Variants in CRISPLD2 observed in about 807,000 individuals in gnomAD.
CRISPLD2 encodes the protein cysteine rich secretory protein LCCL domain containing 2.
CRISPLD2 carries 47 observed loss-of-function variants against 71.1 expected under a neutral mutation model. The ratio of observed to expected loss-of-function variants is 0.66; its 90% CI spans 0.52 to 0.84. The LOEUF is 0.84. Ranked by LOEUF, CRISPLD2 falls within the 40% of genes least tolerant of loss-of-function variation. The pLI is 0.00. For synonymous variants in CRISPLD2, 317 were observed against 250.1 expected, an observed-to-expected ratio of 1.27 and a Z score of -2.52; for missense variants, 830 against 651.1, an observed-to-expected ratio of 1.27 and a Z score of -2.99.
intron 13 of CRISPLD2, among the ~76,000 whole-genome samples, chr16:84,885,561 C>G (rs189333892): frequency 1.3e-5 from 2 of 152,290 alleles, no homozygotes; most frequent in African/African-American, 2.4e-5. Flanking sequence ...TCCCAGATAC[C>G]CGGGACCCCG....
chr16:84,848,544 A>T (rs1359454307), intron 3 of CRISPLD2, among the ~76,000 whole-genome samples: 1 of 151,464 alleles, frequency 6.6e-6, no homozygotes, highest in Non-Finnish European at 1.5e-5. Context: ...CCCACGGAGG[A>T]TGTCCAGGGA....
intron 3 of CRISPLD2, among the ~76,000 whole-genome samples, chr16:84,847,040 C>A (rs1050917188): frequency 6.6e-6 from 1 of 152,222 alleles, no homozygotes; most frequent in Non-Finnish European, 1.5e-5. Context: ...AACCTGTGAC[C>A]GTGCCATGCC....
intron 7 of CRISPLD2, 101 bp from the exon 8 acceptor site, chr16:84,868,750 T>C: frequency 2.0e-6 from 2 of 987,008 alleles, no homozygotes; most frequent in Admixed American, 1.9e-5. Context: ...ATAGCACGGA[T>C]TGGATTGCAG....
At chr16:84,840,434 C>A (rs979497081) in intron 2 of CRISPLD2, among the ~76,000 whole-genome samples, 1 of 152,302 alleles carries the variant, frequency 6.6e-6, no homozygotes, top group Non-Finnish European at 1.5e-5. Flanking sequence ...AATGGTGAAG[C>A]TGGGATTCAA....
chr16:84,905,998 G>A lies in CRISPLD2; in HGVS notation c.1440-590G>A, dbSNP rs1271241309. Among the ~76,000 whole-genome samples, 5 of 152,158 alleles carry A rather than the reference G, an allele frequency of 3.3e-5. No individual in the cohort carries two copies. The East Asian group carries it at 7.7e-4, about 23-fold the overall frequency. Reference sequence around the variant, plus strand: ...GCTGAGGTTACAGGCATGAGCCACCGCGCCTGGCCTAAAGCTCTTTTTTAA... The same window carrying A: ...GCTGAGGTTACAGGCATGAGCCACCACGCCTGGCCTAAAGCTCTTTTTTAA... On this transcript the variant is annotated intron_variant, in intron 14 of 14. Transcript: ENST00000262424.
At chr16:84,897,509 A>G (rs1252071087) in intron 14 of CRISPLD2, among the ~76,000 whole-genome samples, 1 of 152,212 alleles carries the variant, frequency 6.6e-6, no homozygotes, top group Non-Finnish European at 1.5e-5. Flanking sequence ...AGATCTTCAT[A>G]GCACTCAACT....
intron 14 of CRISPLD2, among the ~76,000 whole-genome samples, chr16:84,889,752 T>TTGTGTGTGTGTGTGTGTG (rs60555979): frequency 2.2e-5 from 3 of 139,216 alleles, no homozygotes; most frequent in Non-Finnish European, 3.1e-5. Flanking sequence ...TTGTTTTTCT[T>TTGTGTGTGTGTGTGTGTG]TGTGTGTGTG....
At chr16:84,901,009 C>A (rs1239900123) in intron 14 of CRISPLD2, among the ~76,000 whole-genome samples, 1 of 130,118 alleles carries the variant, frequency 7.7e-6, no homozygotes, top group African/African-American at 3.1e-5. Flanking sequence ...ATGATGGTGT[C>A]ACTGCACACA....
chr16:84,890,890 C>T (rs1357430775), intron 14 of CRISPLD2, among the ~76,000 whole-genome samples: 1 of 152,170 alleles, frequency 6.6e-6, no homozygotes, highest in African/African-American at 2.4e-5. Context: ...ACTCAGCCTC[C>T]CAAGTAGCTG....
intron 13 of CRISPLD2, among the ~76,000 whole-genome samples, chr16:84,883,234 A>G (rs2071583679): frequency 6.6e-6 from 1 of 152,216 alleles, no homozygotes; most frequent in East Asian, 1.9e-4. Flanking sequence ...ATTCTGGGAA[A>G]TGATGATGGC....
intron 13 of CRISPLD2, among the ~76,000 whole-genome samples, chr16:84,886,254 T>A (rs1221229041): frequency 6.6e-6 from 1 of 152,196 alleles, no homozygotes; most frequent in East Asian, 1.9e-4. Flanking sequence ...CTAGATTGTA[T>A]TGCTTGTCCC....
chr16:84,823,645 C>T (rs1029164708), intron 1 of CRISPLD2, among the ~76,000 whole-genome samples: 2 of 152,188 alleles, frequency 1.3e-5, no homozygotes, highest in Non-Finnish European at 2.9e-5. Context: ...TGTACAATGA[C>T]GAGTACTCTT....
chr16:84,838,249 C>G (rs1209713928), intron 1 of CRISPLD2, among the ~76,000 whole-genome samples, 173 bp from the exon 2 acceptor site: 2 of 152,174 alleles, frequency 1.3e-5, no homozygotes, highest in African/African-American at 4.8e-5. Context: ...TGGCGTAAAT[C>G]CCAGCTCCAC....
intron 6 of CRISPLD2, among the ~76,000 whole-genome samples, chr16:84,858,381 G>T (rs1447225970): frequency 6.6e-6 from 1 of 152,158 alleles, no homozygotes; most frequent in Non-Finnish European, 1.5e-5. Context: ...GGCCCACTAG[G>T]CGTTGTGCCT....
intron 3 of CRISPLD2, among the ~76,000 whole-genome samples, chr16:84,847,128 G>C (rs1460272567): frequency 6.6e-6 from 1 of 152,210 alleles, no homozygotes; most frequent in Non-Finnish European, 1.5e-5. Flanking sequence ...TGAAAAGTTG[G>C]AATGGGCTTT....
At chr16:84,902,649 A>C (rs1463092390) in intron 14 of CRISPLD2, among the ~76,000 whole-genome samples, 3 of 151,626 alleles carry the variant, frequency 2.0e-5, no homozygotes, top group African/African-American at 7.3e-5. Flanking sequence ...GGGTCGTCCC[A>C]GTTACTTTTC....
chr16:84,904,199 G>C (rs1428473696), intron 14 of CRISPLD2, among the ~76,000 whole-genome samples: 2 of 152,182 alleles, frequency 1.3e-5, no homozygotes, highest in Non-Finnish European at 2.9e-5. Context: ...AAAGCGGGAG[G>C]GGGCACTTAG....
intron 6 of CRISPLD2, among the ~76,000 whole-genome samples, chr16:84,864,610 G>A (rs566689133): frequency 6.6e-6 from 1 of 152,198 alleles, no homozygotes; most frequent in Non-Finnish European, 1.5e-5. Flanking sequence ...TTCCCTCTTT[G>A]AATGTCTTTA....
chr16:84,836,593 G>A (rs1336932267), intron 1 of CRISPLD2, among the ~76,000 whole-genome samples: 2 of 152,144 alleles, frequency 1.3e-5, no homozygotes, highest in Non-Finnish European at 2.9e-5. Flanking sequence ...GAGTTTCCAG[G>A]GGTCGGGAAT....
Sources: gnomAD v4.1 joint callset for allele counts (sites outside exome capture counted in the v4.1 genomes callset) on GRCh38, gnomAD v4.1.1 for gene constraint, MANE v1.5 for transcripts, NCBI Gene and HGNC (gene_info 2026-07-23, HGNC 2026-07-21) for gene names.